Variants in PODN observed in about 807,000 individuals in gnomAD.
PODN encodes the protein podocan proteoglycan.
In PODN, 40 loss-of-function variants were observed where a neutral mutation model predicts 52.7. The observed-to-expected ratio is 0.76, with a 90% CI of 0.59 to 0.99. The LOEUF (loss-of-function observed/expected upper bound fraction) is 0.99. PODN is among the 50% of genes least tolerant of loss of function. The probability of loss-of-function intolerance (pLI) is 0.00; values close to 1 mark genes in which losing one functional copy is unlikely to be tolerated. For missense variants in PODN, 720 were observed against 815.1 expected (o/e 0.88, Z 1.42); for synonymous variants, 396 against 377.9 (o/e 1.05, Z -0.56).
intron 1 of PODN, among the ~76,000 whole-genome samples, chr1:53,064,139 A>G (rs990316235): frequency 2.4e-4 from 36 of 152,360 alleles, no homozygotes; most frequent in African/African-American, 8.4e-4. Context: ...GTCAGAGCAG[A>G]TCATACTGCA....
chr1:53,078,591 T>C lies in PODN; in HGVS notation c.1081T>C (p.Leu361=). Residue 361 remains leucine (L), a synonymous_variant, in exon 8 of 11, where the codon TTG becomes CTG. Transcript: ENST00000312553. ...HPLAFQGLKR[L]HTVHLYNNAL... The stretch of plus-strand genomic sequence containing the variant: ...ACTGGCCTTCCAGGGCCTCAAGCGG[T>C]TGCACACGGTGCACCTGTACAACAA... 2.5e-6 allele frequency: 4 copies of C among 1,613,048 alleles called. No individual in the cohort carries two copies. The highest frequency in any genetic ancestry group is 3.4e-6 in the Non-Finnish European group (4 of 1,180,006).
intron 1 of PODN, among the ~76,000 whole-genome samples, chr1:53,064,850 C>T (rs1260636023): frequency 6.6e-6 from 1 of 152,238 alleles, no homozygotes; most frequent in Non-Finnish European, 1.5e-5. Context: ...GCTTACACAG[C>T]AGTCAGAATT....
rs141359368 is a variant in PODN at position 53,077,319 on chromosome 1, G to A, written c.711G>A (p.Pro237=). ...NFLRHVPKHL[P]PALYKLHLKN... ...TGCGCCACGTGCCCAAGCACCTGCC[G>A]CCTGCCCTGTACAAGCTGCACCTCA... Residue 237 remains proline, a synonymous_variant, in exon 6 of 11, where the codon CCG becomes CCA. Transcript: ENST00000312553. 61 of 1,613,114 alleles carry A rather than the reference G, an allele frequency of 3.8e-5. No homozygotes were observed. The highest frequency in any genetic ancestry group is 8.0e-5 in the African/African-American group (6 of 74,946).
rs1557655937 is a variant in PODN, at chr1:53,078,500, C to A, written c.990C>A (p.Thr330=). The change falls in exon 8 of 11, where the codon ACC becomes ACA. Residue 330 remains threonine, a synonymous_variant. Transcript: ENST00000312553. ...GGAGCGTGGACGCGAATGTGCTGAC[C>A]CCCATCCGCAGCCTGGAGTACCTGC... The part of the protein sequence containing the change: ...AIRSVDANVL[T]PIRSLEYLLL... 1 of 1,613,322 alleles carries A rather than the reference C, an allele frequency of 6.2e-7. No individual in the cohort carries two copies. Among genetic ancestry groups the A allele is most frequent in the Admixed American group, 1.7e-5 (1 of 60,030 alleles).
Position 53,080,736 on chromosome 1 carries a change from C to T in PODN, c.1521C>T (p.Asp507=). Reference sequence around the variant, plus strand: ...CTTGGTCACCCCTGCAGCTGCTGGACATCGCCGGGAATCAGCTCACAGAGA... The same window carrying T: ...CTTGGTCACCCCTGCAGCTGCTGGATATCGCCGGGAATCAGCTCACAGAGA... ...WVDLAHLQLL[D]IAGNQLTEIP... Residue 507 remains aspartate, a synonymous_variant, in exon 9 of 11, where the codon GAC becomes GAT. Coordinates refer to ENST00000312553, the MANE Select transcript of PODN (RefSeq NM_153703.5). The T allele has an allele frequency of 6.2e-7, 1 of 1,613,850 alleles. No homozygotes were observed. The highest frequency in any genetic ancestry group is 1.7e-4 in the Middle Eastern group (1 of 6,060).
chr1:53,063,277 C>T, intron 1 of PODN: 1 of 856,074 alleles, frequency 1.2e-6, no homozygotes, highest in Non-Finnish European at 1.4e-6. Context: ...GCGCGCGGCA[C>T]TGACTGAGCT....
In PODN at chr1:53,070,162, CTGCAGGTGAGGTCGGCGT is replaced by C. The variant is rs1211280899; in HGVS notation, c.312_312+17del. The C allele has an allele frequency of 1.9e-6, 3 of 1,607,720 alleles. No individual in the cohort carries two copies. The highest frequency in any genetic ancestry group is 3.3e-5 in the Admixed American group (2 of 59,950). ...GCCTGAGCACACCAACCACCTATCTCTGCAGGTGAGGTCGGCGTTGCACCTGTGGTCACGGGGGCTGTC... is the reference window on the plus strand; with the variant it reads ...GCCTGAGCACACCAACCACCTATCTCTGCACCTGTGGTCACGGGGGCTGTC... On this transcript the variant is annotated splice_donor_variant and splice_donor_5th_base_variant and coding_sequence_variant and intron_variant, in exon 2 of 11. Transcript: ENST00000312553. LOFTEE classifies it high-confidence loss of function.
Position 53,077,265 on chromosome 1 carries a change from C to T in PODN, c.657C>T (p.Val219=), listed in dbSNP as rs374181886. The part of the protein sequence containing the change: ...PDNMFNGSSN[V]EVLILSSNFL... ...ACATGTTCAACGGCTCCAGCAACGT[C>T]GAGGTCCTCATCCTGTCCAGCAACT... Residue 219 remains valine (V), a synonymous_variant, in exon 6 of 11, where the codon GTC becomes GTT. Transcript: ENST00000312553. 1.7e-5 allele frequency: 28 copies of T among 1,613,360 alleles called. No individual in the cohort carries two copies. Among genetic ancestry groups the T allele is most frequent in the Non-Finnish European group, 2.2e-5 (26 of 1,180,030 alleles).
chr1:53,069,922 C>G lies in PODN; in HGVS notation c.67C>G (p.Leu23Val). ...GCCACAGCTGCACCTGGGACCTGTG[C>G]TTGCCGTGAGGGCCCCAGGATTTGG... The part of the protein sequence containing the change: ...LPPQLHLGPV[L>V]AVRAPGFGRS... The change falls in exon 2 of 11, where the codon CTT (leucine) becomes GTT (valine). Residue 23 changes from leucine (L) to valine (V), a missense_variant. Physicochemically the swap from Leu to Val is conservative, Grantham distance 32. Coordinates refer to ENST00000312553, the MANE Select transcript of PODN (RefSeq NM_153703.5). The G allele has an allele frequency of 6.3e-7, 1 of 1,577,024 alleles. No homozygotes were observed. The highest frequency in any genetic ancestry group is 8.6e-7 in the Non-Finnish European group (1 of 1,161,874).
intron 1 of PODN, among the ~76,000 whole-genome samples, chr1:53,066,089 G>A (rs1191782207): frequency 6.9e-6 from 1 of 144,160 alleles, no homozygotes; most frequent in Non-Finnish European, 1.5e-5. Flanking sequence ...TCAACCTCCT[G>A]GGCTCAGGTG....
chr1:53,068,422 C>T (rs925754296), intron 1 of PODN, among the ~76,000 whole-genome samples: 46 of 152,298 alleles, frequency 3.0e-4, no homozygotes, highest in African/African-American at 1.0e-3. Context: ...GAATGTCCCC[C>T]GTGCTGGAGG....
At chr1:53,074,152 C>A (rs776929702) in intron 3 of PODN, among the ~76,000 whole-genome samples, 1 of 152,244 alleles carries the variant, frequency 6.6e-6, no homozygotes, top group Admixed American at 6.5e-5. Flanking sequence ...CGAGTCCTGA[C>A]ACATCTGCCA....
chr1:53,075,678 G>A (rs185249647), intron 4 of PODN, among the ~76,000 whole-genome samples, 184 bp from the exon 5 acceptor site: 1 of 152,222 alleles, frequency 6.6e-6, no homozygotes, highest in South Asian at 2.1e-4. Flanking sequence ...GCTGAGTGCT[G>A]AGGACAGCCA....
intron 1 of PODN, chr1:53,063,658 C>A: frequency 1.2e-6 from 1 of 823,236 alleles, no homozygotes; most frequent in Non-Finnish European, 1.5e-6. Context: ...GGGCCCAAGA[C>A]CCAGTCTACT....
rs1644240125 is a variant in PODN at position 53,078,817 on chromosome 1, A to T, written c.1307A>T (p.Asp436Val). ...FRKLRLLRSL[D>V]LSGNRLHTLP... ...AAGCTGCGCCTGCTGCGCTCGCTGG[A>T]CCTGTCGGGCAACCGGCTGCACACG... The change falls in exon 8 of 11, where the codon GAC (aspartate) becomes GTC (valine). Residue 436 changes from aspartate to valine, a missense_variant. By Grantham distance (152) the Asp-to-Val change is radical. Coordinates refer to ENST00000312553, the MANE Select transcript of PODN (RefSeq NM_153703.5). 1.9e-6 allele frequency: 3 copies of T among 1,612,794 alleles called. No individual in the cohort carries two copies. Among genetic ancestry groups the T allele is most frequent in the Non-Finnish European group, 2.5e-6 (3 of 1,179,770 alleles).
chr1:53,064,582 C>A (rs1644005869), intron 1 of PODN, among the ~76,000 whole-genome samples: 1 of 152,184 alleles, frequency 6.6e-6, no homozygotes, highest in Admixed American at 6.5e-5. Flanking sequence ...TGATTTGGGG[C>A]TCCCTTTCCC....
intron 8 of PODN, 53 bp from the exon 9 acceptor site, chr1:53,080,675 G>T (rs1159452229): frequency 6.3e-7 from 1 of 1,585,142 alleles, no homozygotes; most frequent in Non-Finnish European, 8.6e-7. Flanking sequence ...TTTGTAAGCT[G>T]TTAAGTGCTT....
chr1:53,075,764 GAC>G, intron 4 of PODN, 96 bp from the exon 5 acceptor site: 2 of 912,056 alleles, frequency 2.2e-6, no homozygotes, highest in Non-Finnish European at 3.5e-6. Flanking sequence ...GTTGCAGGGA[GAC>G]ACAGTGAAGG....
chr1:53,083,177 C>A (rs948330662), intron 10 of PODN, among the ~76,000 whole-genome samples: 1 of 152,128 alleles, frequency 6.6e-6, no homozygotes, highest in Non-Finnish European at 1.5e-5. Flanking sequence ...TGCAGACCAG[C>A]CTTTTGAGAA....
Sources: allele counts gnomAD v4.1 joint callset (sites outside exome capture counted in the v4.1 genomes callset), GRCh38; gene constraint gnomAD v4.1.1; transcripts MANE v1.5; gene names NCBI Gene and HGNC (gene_info 2026-07-23, HGNC 2026-07-21).